PRH1: variants seen among roughly 807,000 people sequenced by gnomAD.
PRH1 encodes the protein proline rich protein HaeIII subfamily 1.
Under a neutral mutation model 7.9 loss-of-function variants are expected in PRH1, and 7 were observed. The observed-to-expected ratio is 0.89, with a 90% confidence interval of 0.50 to 1.67. PRH1 has a LOEUF of 1.67. Ranked by LOEUF, PRH1 falls within the 40% of genes most tolerant of loss-of-function variation. The pLI, the probability that PRH1 is intolerant of heterozygous loss-of-function variation, is 0.00. For missense variants in PRH1, 109 were observed against 223.6 expected, an observed-to-expected ratio of 0.49 and a Z score of 3.27; for synonymous variants, 45 against 80.8, an observed-to-expected ratio of 0.56 and a Z score of 2.38.
rs1369392096 is a variant in PRH1, at chr12:11,037,304, C to T, written c.-126+9716G>A. Among the ~76,000 whole-genome samples the T allele has an allele frequency of 3.9e-5, 6 of 152,166 alleles. No individual in the cohort carries two copies. The East Asian group carries it at 5.8e-4, about 15-fold the overall frequency. ...CTAAATCTGGATCATTTTACTATAG[C>T]AGTCAAAGTTGAATTATATATGCAC... On this transcript the variant is annotated intron_variant, in intron 1 of 3. Coordinates refer to the PRH1 transcript ENST00000539853.
At chr12:11,158,044 A>G (rs556863469) in intron 1 of PRH1, among the ~76,000 whole-genome samples, 1 of 152,260 alleles carries the variant, frequency 6.6e-6, no homozygotes, top group South Asian at 2.1e-4. Context: ...CTAATATAAA[A>G]CCAACATACT....
chr12:11,070,341 C>G (rs1250948950), intron 1 of PRH1, among the ~76,000 whole-genome samples: 1 of 151,820 alleles, frequency 6.6e-6, no homozygotes, highest in East Asian at 1.9e-4. Flanking sequence ...CCAGTAAACA[C>G]ACTGCGCATG....
At chr12:11,087,466 C>T (rs1944745923) in intron 1 of PRH1, among the ~76,000 whole-genome samples, 1 of 116,290 alleles carries the variant, frequency 8.6e-6, no homozygotes, top group Admixed American at 8.6e-5. Flanking sequence ...TGGAGCTAAT[C>T]AGTTTGTAGT....
chr12:11,112,649 T>C (rs983933059), intron 1 of PRH1, among the ~76,000 whole-genome samples: 6 of 152,190 alleles, frequency 3.9e-5, no homozygotes, highest in Non-Finnish European at 7.3e-5. Context: ...TGATGGAATG[T>C]ATCTCAAAAT....
intron 2 of PRH1, among the ~76,000 whole-genome samples, chr12:10,891,066 G>T (rs1007583839): frequency 6.6e-6 from 1 of 152,130 alleles, no homozygotes; most frequent in Non-Finnish European, 1.5e-5. Context: ...GTTCTGTAGG[G>T]TCTTTGGTGT....
rs149049633 is a variant in PRH1, at chr12:10,896,526, C to T, written c.-58-12251G>A. On this transcript the variant is annotated intron_variant, in intron 2 of 3. Transcript: ENST00000539853. The stretch of plus-strand genomic sequence containing the variant: ...CCTGTAATCCCAGCACTTTGGAAGG[C>T]CAAGGCAGGTGGATCACCTGAGGTC... Among the ~76,000 whole-genome samples, 724 of 152,202 alleles carry T rather than the reference C, an allele frequency of 4.8e-3. 7 individuals are homozygous for T. Among genetic ancestry groups the T allele is most frequent in the African/African-American group, 0.017 (695 of 41,534 alleles).
rs1949413259 is a variant in PRH1, at chr12:10,882,261, G to A, written c.538C>T (p.Pro180Ser). ...TACTGAGGAGACTGCCCCTGTGGAG[G>A]TCCTTGTGGGCGGCCCCCTTGGGGA... Reference protein sequence around the residue: ...PPPQGGRPQGPPQGQSPQ With the variant: ...PPPQGGRPQGSPQGQSPQ Residue 180 changes from proline (P) to serine (S), a missense_variant, in exon 3 of 4, where the codon CCT becomes TCT. By Grantham distance (74) the Pro-to-Ser change is moderately conservative. This residue lies in a region of PRH1 where 45 missense variants were observed against 88.8 expected (regional missense o/e 0.51). Coordinates refer to ENST00000543626, the MANE Select transcript of PRH1 (RefSeq NM_001393989.1). 6.2e-7 allele frequency: 1 copy of A among 1,613,392 alleles called. No individual in the cohort carries two copies. Among genetic ancestry groups the A allele is most frequent in the African/African-American group, 1.3e-5 (1 of 74,898 alleles).
chr12:11,012,112 CAT>C (rs749155875), intron 1 of PRH1, among the ~76,000 whole-genome samples: 5 of 152,038 alleles, frequency 3.3e-5, no homozygotes, highest in Admixed American at 6.6e-5. Context: ...ACTTAAAAAA[CAT>C]GTGTATTCCA....
At chr12:11,071,724 A>C (rs1337327485) in intron 1 of PRH1, among the ~76,000 whole-genome samples, 5 of 152,168 alleles carry the variant, frequency 3.3e-5, no homozygotes, top group African/African-American at 4.8e-5. Flanking sequence ...AGAGTCTGTT[A>C]AGTGGCCCGG....
chr12:10,990,355 G>A (rs1174345668), intron 1 of PRH1, among the ~76,000 whole-genome samples: 1 of 152,196 alleles, frequency 6.6e-6, no homozygotes, highest in African/African-American at 2.4e-5. Context: ...TTTGATGAGT[G>A]ATAGTGTTTA....
intron 1 of PRH1, among the ~76,000 whole-genome samples, chr12:11,139,669 T>C (rs1946651664): frequency 6.6e-6 from 1 of 152,228 alleles, no homozygotes; most frequent in African/African-American, 2.4e-5. Context: ...TGCCATAATT[T>C]GTTTATCCAT....
intron 2 of PRH1, among the ~76,000 whole-genome samples, chr12:10,914,058 CTTGATTCA>C (rs879773058): frequency 1.9e-4 from 29 of 152,266 alleles, no homozygotes; most frequent in Admixed American, 1.9e-3. Flanking sequence ...TGGCTTAATA[CTTGATTCA>C]TTGGCAGTGA....
Position 11,155,327 on chromosome 12 carries a change from C to T in PRH1, n.39+16095G>A, listed in dbSNP as rs142657429. ...CTTTCCAGTATAATTCATGGGGGTG[C>T]TTAGGTGTAGCTTTTCTCACTTGAA... On this transcript the variant is annotated intron_variant and non_coding_transcript_variant, in intron 1 of 1. Transcript: ENST00000541175. Among the ~76,000 whole-genome samples the T allele has an allele frequency of 6.6e-4, 101 of 152,222 alleles. 1 individual carries two copies. Among genetic ancestry groups the T allele is most frequent in the African/African-American group, 2.3e-3 (97 of 41,570 alleles).
chr12:10,972,558 C>A (rs988391770), intron 2 of PRH1, among the ~76,000 whole-genome samples: 1 of 152,096 alleles, frequency 6.6e-6, no homozygotes, highest in African/African-American at 2.4e-5. Flanking sequence ...GCTGATTTTT[C>A]ACTTGCAAGC....
intron 1 of PRH1, among the ~76,000 whole-genome samples, chr12:10,999,544 AATGG>A (rs1402046371): frequency 3.9e-5 from 6 of 152,166 alleles, no homozygotes; most frequent in African/African-American, 1.4e-4. Flanking sequence ...CACACTTAGA[AATGG>A]GCCAAAACAA....
chr12:11,124,642 G>C (rs1350240138), intron 1 of PRH1, among the ~76,000 whole-genome samples: 1 of 129,702 alleles, frequency 7.7e-6, no homozygotes, highest in Non-Finnish European at 1.7e-5. Flanking sequence ...TAGAACTTAT[G>C]TAAACGTTGT....
Position 11,091,115 on chromosome 12 carries a change from C to CACACACATATATATATATATATATAT in PRH1, n.124-43928_124-43927insATATATATATATATATATATGTGTGT, listed in dbSNP as rs751016037. On this transcript the variant is annotated intron_variant and non_coding_transcript_variant, in intron 1 of 4. Coordinates refer to the PRH1 transcript ENST00000541977. ...ACACAAATACACACACACACACACA[C>CACACACATATATATATATATATATAT]ATATATATATATATATATATATATA... Among the ~76,000 whole-genome samples, 191 of 25,074 alleles carry CACACACATATATATATATATATATAT rather than the reference C, an allele frequency of 7.6e-3. 16 individuals are homozygous for CACACACATATATATATATATATATAT. The highest frequency in any genetic ancestry group is 0.029 in the Middle Eastern group (1 of 34). The allele number at this position is 25,074 out of a possible 152,430, so 16.4% of individuals were successfully genotyped here.
chr12:10,910,166 C>A (rs1435532758), intron 2 of PRH1, among the ~76,000 whole-genome samples: 2 of 152,162 alleles, frequency 1.3e-5, no homozygotes, highest in Non-Finnish European at 2.9e-5. Flanking sequence ...TGTCCCAAGA[C>A]CCCCAGTGGA....
At position 11,143,344 on chromosome 12, in the gene PRH1, A is replaced by G. The variant is rs1381586250; in HGVS notation, n.40-22164T>C. 9.2e-5 allele frequency among the ~76,000 whole-genome samples: 14 copies of G among 152,200 alleles called. No individual in the cohort carries two copies. In the East Asian group the frequency reaches 2.7e-3, roughly 29 times the overall value. ...CAAGCCTCATAGTAATCGCAAATCA[A>G]AAAACATAATACAATGGATACACAC... On this transcript the variant is annotated intron_variant and non_coding_transcript_variant, in intron 1 of 1. Coordinates refer to the PRH1 transcript ENST00000541175.
Sources: gnomAD v4.1 joint callset for allele counts (sites outside exome capture counted in the v4.1 genomes callset) on GRCh38, gnomAD v4.1.1 for gene constraint, gnomAD v4.1.1 regional missense constraint, MANE v1.5 for transcripts, NCBI Gene and HGNC (gene_info 2026-07-23, HGNC 2026-07-21) for gene names.